YLPM1: variants seen among roughly 807,000 people sequenced by gnomAD.
The protein encoded by YLPM1 is YLP motif containing 1.
Under a neutral mutation model 230.0 loss-of-function variants are expected in YLPM1, and 99 were observed. The ratio of observed to expected loss-of-function variants is 0.43; its 90% confidence interval spans 0.37 to 0.51. The LOEUF (loss-of-function observed/expected upper bound fraction) is 0.51. Among genes scored for constraint, YLPM1 ranks in the 20% least tolerant of loss-of-function variants. The pLI is 0.00. For missense variants in YLPM1, 2,592 were observed against 2,707.7 expected (o/e 0.96, Z 0.95); for synonymous variants, 984 against 942.5 (o/e 1.04, Z -0.81).
chr14:74,835,588 T>C lies in YLPM1; in HGVS notation c.*36+141T>C, dbSNP rs571794717. ...TGAAAGAGTAAGTATGTACTAGTTG[T>C]TAACATTTACAATACTATTAGAAAA... is the stretch of plus-strand genomic sequence containing the variant. On this transcript the variant is annotated intron_variant, in intron 20 of 20. Coordinates refer to ENST00000325680, the MANE Select transcript of YLPM1 (RefSeq NM_019589.3). 2.4e-5 allele frequency: 18 copies of C among 742,092 alleles called. No homozygotes were observed. In the African/African-American group the frequency reaches 3.2e-4, roughly 13 times the overall value. 46.0% of individuals were successfully genotyped at this position (742,092 alleles called of 1,614,324 possible). A position where few individuals can be genotyped will look rare whatever the true frequency, so the allele number is the denominator to read the frequency against.
At chr14:74,809,118 T>C (rs2091408247) in intron 6 of YLPM1, among the ~76,000 whole-genome samples, 1 of 151,992 alleles carries the variant, frequency 6.6e-6, no homozygotes. Flanking sequence ...TTTTTTTTTT[T>C]TTATGATTTG....
chr14:74,809,760 A>C lies in YLPM1; in HGVS notation c.4902A>C (p.Pro1634=). 1.2e-6 allele frequency: 2 copies of C among 1,613,936 alleles called. No homozygotes were observed. Among genetic ancestry groups the C allele is most frequent in the Non-Finnish European group, 1.7e-6 (2 of 1,179,878 alleles). ...GTATGCCACCAATGTCCAAGCCACCACCAGTACAACAGACTGTTGATTATG... is the reference window on the plus strand; with the variant it reads ...GTATGCCACCAATGTCCAAGCCACCCCCAGTACAACAGACTGTTGATTATG... ...PMGMPPMSKP[P]PVQQTVDYGH... The change falls in exon 7 of 21, where the codon CCA becomes CCC. Residue 1634 remains proline (P), a synonymous_variant. Transcript: ENST00000325680.
At chr14:74,809,298 T>G (rs1594834257) in intron 6 of YLPM1, 82 bp from the exon 7 acceptor site, 1 of 1,483,780 alleles carries the variant, frequency 6.7e-7, no homozygotes, top group Non-Finnish European at 8.9e-7. Context: ...TCTTATAAAT[T>G]GAGAACCAGA....
chr14:74,771,562 C>T (rs2090976453), intron 1 of YLPM1, among the ~76,000 whole-genome samples: 1 of 152,156 alleles, frequency 6.6e-6, no homozygotes, highest in Non-Finnish European at 1.5e-5. Context: ...TTGCCATGAA[C>T]GTCAAGGAAC....
At chr14:74,806,712 G>A (rs78967741) in intron 6 of YLPM1, among the ~76,000 whole-genome samples, 2,814 of 151,568 alleles carry the variant, frequency 0.019, 44 homozygotes, top group Non-Finnish European at 0.027. Flanking sequence ...TTGATTACTA[G>A]TGAACATGAA....
intron 1 of YLPM1, among the ~76,000 whole-genome samples, chr14:74,773,603 A>T (rs1332106514): frequency 6.6e-6 from 1 of 151,872 alleles, no homozygotes; most frequent in African/African-American, 2.4e-5. Flanking sequence ...AAACTGAAGG[A>T]TAAGTCTGTT....
intron 1 of YLPM1, among the ~76,000 whole-genome samples, chr14:74,765,567 G>C (rs1465015313): frequency 2.0e-5 from 3 of 152,104 alleles, no homozygotes; most frequent in Non-Finnish European, 4.4e-5. Flanking sequence ...CTCTATTATA[G>C]AGACAGACTT....
rs753813873 is a variant in YLPM1, at chr14:74,797,639, A to G, written c.2342A>G (p.Lys781Arg). 4.4e-6 allele frequency: 7 copies of G among 1,573,180 alleles called. 1 individual carries two copies. In the South Asian group the frequency reaches 8.1e-5, roughly 18 times the overall value. Residue 781 changes from lysine to arginine, a missense_variant, in exon 5 of 21, where the codon AAA becomes AGA. Around this residue, in one of 4 missense-constraint regions of YLPM1, gnomAD observed 1,862 missense variants for 1,819.8 expected, o/e 1.02. Transcript: ENST00000325680. ...LGSRCEGPRPKGPRFEGNRPD... is the reference protein window; with the variant it reads ...LGSRCEGPRPRGPRFEGNRPD... ...TCAAGGTGTGAAGGACCGAGACCCA[A>G]AGGGCCTCGTTTTGAAGGAAATCGC...
At position 74,809,543 on chromosome 14, in the gene YLPM1, T is replaced by C. The variant is rs767355869; in HGVS notation, c.4685T>C (p.Ile1562Thr). The change falls in exon 7 of 21, where the codon ATA becomes ACA. Residue 1562 changes from isoleucine (I) to threonine (T), a missense_variant. Around this residue, in one of 4 missense-constraint regions of YLPM1, gnomAD observed 403 missense variants for 426.7 expected, o/e 0.94. Transcript: ENST00000325680. Reference sequence around the variant, plus strand: ...CCTCTACCTCCTCCTCCTCCAGTGATAAAGCCACAAACTTCAGCTGTAGAA... The same window carrying C: ...CCTCTACCTCCTCCTCCTCCAGTGACAAAGCCACAAACTTCAGCTGTAGAA... ...PPPLPPPPPVIKPQTSAVEQE... is the reference protein window; with the variant it reads ...PPPLPPPPPVTKPQTSAVEQE... The C allele has an allele frequency of 1.9e-6, 3 of 1,598,980 alleles. No individual in the cohort carries two copies. Among genetic ancestry groups the C allele is most frequent in the Middle Eastern group, 1.7e-4 (1 of 6,046 alleles).
Position 74,794,786 on chromosome 14 carries a change from C to T in YLPM1, c.2283-2794C>T, listed in dbSNP as rs75951306. 8.2e-3 allele frequency among the ~76,000 whole-genome samples: 1,170 copies of T among 142,644 alleles called. 15 individuals are homozygous for T. Among genetic ancestry groups the T allele is most frequent in the African/African-American group, 0.028 (1,091 of 38,440 alleles). The allele number at this position is 142,644 out of a possible 152,430, so 93.6% of individuals were successfully genotyped here. A position where few individuals can be genotyped will look rare whatever the true frequency, so the allele number is the denominator to read the frequency against. ...TAATACACACACACACACACACACACATATTTAAACACAAATATATCAAAT... is the reference window on the plus strand; with the variant it reads ...TAATACACACACACACACACACACATATATTTAAACACAAATATATCAAAT... On this transcript the variant is annotated intron_variant, in intron 4 of 20. Coordinates refer to ENST00000325680, the MANE Select transcript of YLPM1 (RefSeq NM_019589.3).
At position 74,830,360 on chromosome 14, in the gene YLPM1, A is replaced by G. The variant is rs927925989; in HGVS notation, c.6294+1017A>G. The stretch of plus-strand genomic sequence containing the variant: ...TCTTTACATAAATGTTGAATTCGAT[A>G]GTGATAGATGTGTATATCCTTTAAA... On this transcript the variant is annotated intron_variant, in intron 19 of 20. Transcript: ENST00000325680. Among the ~76,000 whole-genome samples the G allele has an allele frequency of 2.6e-5, 4 of 152,232 alleles. No individual in the cohort carries two copies. In the East Asian group the frequency reaches 5.8e-4, roughly 22 times the overall value.
chr14:74,784,248 G>A (rs1041486496), intron 4 of YLPM1, among the ~76,000 whole-genome samples: 4 of 152,108 alleles, frequency 2.6e-5, no homozygotes, highest in Admixed American at 1.3e-4. Context: ...TGTGAATTTA[G>A]GACCTATTTT....
intron 2 of YLPM1, 61 bp downstream of exon 2, chr14:74,778,744 A>C: frequency 7.0e-7 from 1 of 1,430,128 alleles, no homozygotes; most frequent in South Asian, 1.4e-5. Flanking sequence ...TGATTCATTT[A>C]GTATACTTTT....
At chr14:74,783,337 G>A (rs1056322383) in intron 4 of YLPM1, among the ~76,000 whole-genome samples, 4 of 152,230 alleles carry the variant, frequency 2.6e-5, no homozygotes, top group Admixed American at 6.5e-5. Flanking sequence ...CCTGCCTGCC[G>A]TGGCCTCCCA....
intron 6 of YLPM1, among the ~76,000 whole-genome samples, chr14:74,805,704 C>T (rs1354447567): frequency 3.0e-5 from 4 of 134,550 alleles, no homozygotes; most frequent in South Asian, 2.5e-4. Context: ...AATAAGCATA[C>T]TTTTTTTTTT....
chr14:74,780,409 A>G lies in YLPM1; in HGVS notation c.1115A>G (p.Glu372Gly), dbSNP rs779091052. 2 of 1,610,490 alleles carry G rather than the reference A, an allele frequency of 1.2e-6. No homozygotes were observed. The change falls in exon 3 of 21, where the codon GAG (glutamate) becomes GGG (glycine). Residue 372 changes from glutamate (E) to glycine (G), a missense_variant. By Grantham distance (98) the Glu-to-Gly change is moderately conservative (BLOSUM62 -2). Coordinates refer to ENST00000325680, the MANE Select transcript of YLPM1 (RefSeq NM_019589.3). ...TGTGTCCTCTTTTATCTTTAGTCTG[A>G]GGACCCAGAAGAAGATGCCAGGTTA... is the stretch of plus-strand genomic sequence containing the variant. ...PPLPPEEPQS[E>G]DPEEDARLKQ...
At position 74,809,734 on chromosome 14, in the gene YLPM1, G is replaced by T; in HGVS notation, c.4876G>T (p.Gly1626Cys). Residue 1626 changes from glycine to cysteine, a missense_variant, in exon 7 of 21, where the codon GGT becomes TGT. By Grantham distance (159) the Gly-to-Cys change is radical. This residue lies in a region of YLPM1 where 403 missense variants were observed against 426.7 expected (regional missense o/e 0.94). Transcript: ENST00000325680. ...TCCCCCTCCTGGCCCAGTGCCTATG[G>T]GTATGCCACCAATGTCCAAGCCACC... ...SIPPPGPVPM[G>C]MPPMSKPPPV... 1 of 1,614,000 alleles carries T rather than the reference G, an allele frequency of 6.2e-7. No individual in the cohort carries two copies. The highest frequency in any genetic ancestry group is 1.1e-5 in the South Asian group (1 of 91,082).
intron 4 of YLPM1, among the ~76,000 whole-genome samples, chr14:74,794,457 C>T (rs1343923721): frequency 6.6e-6 from 1 of 152,230 alleles, no homozygotes; most frequent in Non-Finnish European, 1.5e-5. Flanking sequence ...GCTGGGATTA[C>T]AGGCGTGAGC....
chr14:74,796,968 CTTTTTTTTTT>C (rs3083626), intron 4 of YLPM1, among the ~76,000 whole-genome samples: 2 of 88,952 alleles, frequency 2.2e-5, no homozygotes, highest in Admixed American at 1.5e-4. Flanking sequence ...TTTATAATTG[CTTTTTTTTTT>C]TTTTTTTTTT....
Sources: gnomAD v4.1 joint callset for allele counts (sites outside exome capture counted in the v4.1 genomes callset) on GRCh38, gnomAD v4.1.1 for gene constraint, gnomAD v4.1.1 regional missense constraint, MANE v1.5 for transcripts, NCBI Gene and HGNC (gene_info 2026-07-23, HGNC 2026-07-21) for gene names.